Variants in INPP5A observed in about 807,000 individuals in gnomAD.
The protein encoded by INPP5A is 43 kDa inositol polyphosphate 5-phophatase.
INPP5A carries 14 observed loss-of-function variants against 65.2 expected under a neutral mutation model. The ratio of observed to expected loss-of-function variants is 0.21; its 90% CI spans 0.14 to 0.34. The LOEUF (loss-of-function observed/expected upper bound fraction) is 0.34, where lower values mean the gene tolerates loss of function less well. INPP5A is among the 10% of genes least tolerant of loss of function. The pLI, the probability that INPP5A is intolerant of heterozygous loss-of-function variation, is 1.00. For synonymous variants in INPP5A, 207 were observed against 208.3 expected (o/e 0.99, Z 0.05); for missense variants, 431 against 545.6 (o/e 0.79, Z 2.09).
At position 132,651,598 on chromosome 10, in the gene INPP5A, G is replaced by A. The variant is rs936710506; in HGVS notation, c.306+1093G>A. Among the ~76,000 whole-genome samples the A allele has an allele frequency of 1.3e-5, 2 of 152,178 alleles. No individual in the cohort carries two copies. Among genetic ancestry groups the A allele is most frequent in the Non-Finnish European group, 2.9e-5 (2 of 68,028 alleles). ...TCCCCAGCATCAGCGCCCACTAGCC[G>A]TCATTGCGCCGTCACGTGACAGGCC... On this transcript the variant is annotated intron_variant, in intron 4 of 15. Transcript: ENST00000368594. The surrounding 1 kb of genome is among the most constrained non-coding windows in gnomAD (Gnocchi z 5.0).
chr10:132,776,556 AC>A (rs1847066456), intron 12 of INPP5A, among the ~76,000 whole-genome samples: 3 of 152,230 alleles, frequency 2.0e-5, no homozygotes, highest in Non-Finnish European at 4.4e-5. Flanking sequence ...TTTGGAATTA[AC>A]TGAAAAAACT....
At chr10:132,738,093 T>A (rs946162381) in intron 9 of INPP5A, among the ~76,000 whole-genome samples, 5 of 152,252 alleles carry the variant, frequency 3.3e-5, no homozygotes, top group Non-Finnish European at 7.3e-5. Flanking sequence ...GACTCACTCC[T>A]AAATGATTCA....
chr10:132,702,363 A>G (rs186341549), intron 6 of INPP5A, among the ~76,000 whole-genome samples: 1 of 152,328 alleles, frequency 6.6e-6, no homozygotes, highest in Non-Finnish European at 1.5e-5. Flanking sequence ...AAAATTCTCC[A>G]TTACTGTGGA....
intron 14 of INPP5A, among the ~76,000 whole-genome samples, chr10:132,781,480 AC>A (rs1324181026): frequency 6.6e-6 from 1 of 152,226 alleles, no homozygotes; most frequent in Admixed American, 6.5e-5. Context: ...CCCCAAACAC[AC>A]CCGGATAAGA....
chr10:132,630,079 C>G (rs1227805443), intron 2 of INPP5A, among the ~76,000 whole-genome samples: 1 of 151,836 alleles, frequency 6.6e-6, no homozygotes, highest in Non-Finnish European at 1.5e-5. Flanking sequence ...AGGGTACCCT[C>G]TAGGGAAAGA....
chr10:132,775,175 G>A (rs1417036901), intron 12 of INPP5A, among the ~76,000 whole-genome samples: 1 of 4,152 alleles, frequency 2.4e-4, no homozygotes, highest in Non-Finnish European at 7.1e-4. Flanking sequence ...CAGAGAGGAG[G>A]GGCAGGGAGA....
chr10:132,756,987 A>G (rs1045963466), intron 11 of INPP5A, among the ~76,000 whole-genome samples: 4 of 152,246 alleles, frequency 2.6e-5, no homozygotes, highest in African/African-American at 9.6e-5. Context: ...AATAGGCAAA[A>G]AGTTTATAGA....
At chr10:132,649,430 C>T (rs956789075) in intron 3 of INPP5A, among the ~76,000 whole-genome samples, 7 of 152,150 alleles carry the variant, frequency 4.6e-5, no homozygotes, top group Non-Finnish European at 8.8e-5. Flanking sequence ...AGTTATTTTC[C>T]GTAGGATGGC....
intron 8 of INPP5A, among the ~76,000 whole-genome samples, chr10:132,711,136 G>A (rs1217515591): frequency 2.0e-5 from 3 of 152,210 alleles, no homozygotes; most frequent in Non-Finnish European, 2.9e-5. Context: ...TGTGGTGGGA[G>A]GTGAATAGGA....
intron 4 of INPP5A, among the ~76,000 whole-genome samples, chr10:132,654,990 C>T (rs2072634775): frequency 6.6e-6 from 1 of 152,200 alleles, no homozygotes; most frequent in Non-Finnish European, 1.5e-5. Context: ...AGGCTGGGCG[C>T]GGTGGCTCAC....
At chr10:132,597,017 G>A (rs1387819670) in intron 1 of INPP5A, among the ~76,000 whole-genome samples, 1 of 151,526 alleles carries the variant, frequency 6.6e-6, no homozygotes, top group Non-Finnish European at 1.5e-5. Flanking sequence ...GCTCCTGTAC[G>A]TGTGTGCATG....
chr10:132,691,813 C>CGGTCGCGGGAGACGTGT (rs761387626), intron 5 of INPP5A, among the ~76,000 whole-genome samples: 8 of 150,750 alleles, frequency 5.3e-5, no homozygotes, highest in Non-Finnish European at 8.9e-5. Context: ...GGGAGACGTG[C>CGGTCGCGGGAGACGTGT]GGTCGCGGGA....
intron 3 of INPP5A, 111 bp downstream of exon 3, chr10:132,646,079 TG>T (rs1202426359): frequency 5.7e-6 from 4 of 704,188 alleles, no homozygotes; most frequent in Non-Finnish European, 1.0e-5. Flanking sequence ...GGGACTCACC[TG>T]GGGGTCATCT....
chr10:132,644,306 C>T lies in INPP5A; in HGVS notation c.118-1562C>T, dbSNP rs566473280. Among the ~76,000 whole-genome samples the T allele has an allele frequency of 6.6e-6, 1 of 152,234 alleles. No homozygotes were observed. Among genetic ancestry groups the T allele is most frequent in the East Asian group, 1.9e-4 (1 of 5,194 alleles). On this transcript the variant is annotated intron_variant, in intron 2 of 15. Coordinates refer to ENST00000368594, the MANE Select transcript of INPP5A (RefSeq NM_005539.5). This position sits in a 1 kb window ranked among gnomAD's most constrained non-coding sequence, Gnocchi z 6.5. ...CAGGCACGGCCGCCCTTGTCTCCTG[C>T]TGCCGCTGCCACCTGCAGCACAGAC...
chr10:132,763,457 CTG>C lies in INPP5A; in HGVS notation c.904-2309_904-2308del, dbSNP rs1458296473. 2.0e-5 allele frequency among the ~76,000 whole-genome samples: 3 copies of C among 152,408 alleles called. No individual in the cohort carries two copies. The East Asian group carries it at 5.8e-4, about 29-fold the overall frequency. On this transcript the variant is annotated intron_variant, in intron 11 of 15. Coordinates refer to ENST00000368594, the MANE Select transcript of INPP5A (RefSeq NM_005539.5). The stretch of plus-strand genomic sequence containing the variant: ...CTAGAGATGATGCGTGTTTATAGGC[CTG>C]TGTGTGAATGTATCTGAGTAAATGC...
intron 2 of INPP5A, among the ~76,000 whole-genome samples, chr10:132,625,859 TGTGTGTG>T (rs2072176299): frequency 1.3e-5 from 2 of 151,510 alleles, no homozygotes; most frequent in African/African-American, 4.9e-5. Context: ...TGTGTGTGTG[TGTGTGTG>T]TGTGTGTGTG....
intron 2 of INPP5A, among the ~76,000 whole-genome samples, chr10:132,619,705 C>G (rs2072086350): frequency 6.6e-6 from 1 of 152,340 alleles, no homozygotes; most frequent in Middle Eastern, 3.4e-3. Context: ...GTTACCCAGG[C>G]TGGAGTGCAA....
At position 132,705,516 on chromosome 10, in the gene INPP5A, C is replaced by T. The variant is rs1295437154; in HGVS notation, c.475-2797C>T. On this transcript the variant is annotated intron_variant, in intron 6 of 15. Coordinates refer to ENST00000368594, the MANE Select transcript of INPP5A (RefSeq NM_005539.5). The surrounding 1 kb of genome is among the most constrained non-coding windows in gnomAD (Gnocchi z 4.9). ...AGCTCGTGGTGTGAGGACGGATCCTCCTCGACGAGTAGAGCCATAGCCTGG... is the reference window on the plus strand; with the variant it reads ...AGCTCGTGGTGTGAGGACGGATCCTTCTCGACGAGTAGAGCCATAGCCTGG... 1.3e-5 allele frequency among the ~76,000 whole-genome samples: 2 copies of T among 152,258 alleles called. No individual in the cohort carries two copies. The highest frequency in any genetic ancestry group is 2.9e-5 in the Non-Finnish European group (2 of 68,050).
In INPP5A at chr10:132,607,899, TC is replaced by T; in HGVS notation, c.76-15del. 1 of 1,606,606 alleles carries T rather than the reference TC, an allele frequency of 6.2e-7. No homozygotes were observed. The highest frequency in any genetic ancestry group is 2.2e-5 in the East Asian group (1 of 44,890). Reference sequence around the variant, plus strand: ...CATTGGTCTGACTGGCTTTTCTTTTTCTTCTTAATTTACAGCCAGAAAACCT... The same window carrying T: ...CATTGGTCTGACTGGCTTTTCTTTTTTTCTTAATTTACAGCCAGAAAACCT... On this transcript the variant is annotated splice_polypyrimidine_tract_variant and intron_variant, in intron 1 of 15. Transcript: ENST00000368594.
Sources: gnomAD v4.1 joint callset for allele counts (sites outside exome capture counted in the v4.1 genomes callset) on GRCh38, gnomAD v4.1.1 for gene constraint, Gnocchi (gnomAD v3.1) non-coding constraint, MANE v1.5 for transcripts, NCBI Gene and HGNC (gene_info 2026-07-23, HGNC 2026-07-21) for gene names.